The following FER variants were observed in gnomAD, a reference collection of about 807,000 sequenced individuals.
FER encodes the protein tyrosine-protein kinase Fer.
Under a neutral mutation model 111.0 loss-of-function variants are expected in FER, and 63 were observed. That is an observed-to-expected ratio of 0.57 (90% confidence interval 0.46 to 0.70). FER has a LOEUF of 0.70. Among genes scored for constraint, FER ranks in the 30% least tolerant of loss-of-function variants. The pLI, the probability that FER is intolerant of heterozygous loss-of-function variation, is 0.00. For missense variants in FER, 914 were observed against 954.0 expected, an observed-to-expected ratio of 0.96 and a Z score of 0.55; for synonymous variants, 327 against 313.9, an observed-to-expected ratio of 1.04 and a Z score of -0.44.
At chr5:109,079,640 G>T (rs1424396331) in intron 16 of FER, among the ~76,000 whole-genome samples, 1 of 152,064 alleles carries the variant, frequency 6.6e-6, no homozygotes, top group Non-Finnish European at 1.5e-5. Flanking sequence ...ACACATGTCA[G>T]TGTAGATGCC....
chr5:108,994,231 T>G (rs1763704586), intron 13 of FER, among the ~76,000 whole-genome samples: 1 of 152,346 alleles, frequency 6.6e-6, no homozygotes, highest in Middle Eastern at 3.4e-3. Flanking sequence ...GCTAGAGTTT[T>G]TATAGTTTTG....
At chr5:108,922,259 G>T (rs530563174) in intron 10 of FER, among the ~76,000 whole-genome samples, 1 of 152,102 alleles carries the variant, frequency 6.6e-6, no homozygotes, top group Non-Finnish European at 1.5e-5. Flanking sequence ...GAAGTCACCC[G>T]ATTTCTGGTA....
intron 16 of FER, among the ~76,000 whole-genome samples, chr5:109,073,240 C>T (rs1198294096): frequency 1.3e-5 from 2 of 152,062 alleles, no homozygotes; most frequent in Non-Finnish European, 2.9e-5. Context: ...AGTTACAAAA[C>T]AGTAGTTTAT....
chr5:109,039,244 T>C (rs1452912448), intron 14 of FER, among the ~76,000 whole-genome samples: 3 of 151,908 alleles, frequency 2.0e-5, no homozygotes, highest in African/African-American at 4.8e-5. Context: ...ACTATATTTT[T>C]AGTAGACTGT....
chr5:108,928,562 T>C (rs1754111035), intron 10 of FER, among the ~76,000 whole-genome samples: 1 of 152,160 alleles, frequency 6.6e-6, no homozygotes, highest in South Asian at 2.1e-4. Flanking sequence ...ATAAGGTAAT[T>C]GTATTTCACA....
intron 5 of FER, among the ~76,000 whole-genome samples, chr5:108,840,057 TATGC>T (rs1276292530): frequency 6.6e-6 from 1 of 152,178 alleles, no homozygotes; most frequent in Non-Finnish European, 1.5e-5. Context: ...GGACAGTGAA[TATGC>T]ATACTGGATT....
Position 108,798,400 on chromosome 5 carries a change from T to G in FER, c.207+11T>G, listed in dbSNP as rs781356787. 2 of 1,587,804 alleles carry G rather than the reference T, an allele frequency of 1.3e-6. No homozygotes were observed. Among genetic ancestry groups the G allele is most frequent in the Admixed American group, 1.7e-5 (1 of 59,518 alleles). Reference sequence around the variant, plus strand: ...AGCAACGTATCCAAGGTAAGAAGAATAATTTCACTCTTTGTTATTTATAAC... The same window carrying G: ...AGCAACGTATCCAAGGTAAGAAGAAGAATTTCACTCTTTGTTATTTATAAC... On this transcript the variant is annotated intron_variant, in intron 3 of 19. Coordinates refer to ENST00000281092, the MANE Select transcript of FER (RefSeq NM_005246.4).
rs114626901 is a variant in FER, at chr5:109,067,958, C to G, written c.1924+20760C>G. On this transcript the variant is annotated intron_variant, in intron 16 of 19. Coordinates refer to ENST00000281092, the MANE Select transcript of FER (RefSeq NM_005246.4). ...GGAGATGAGTTTACAAATAGTCAAG[C>G]AAGCCGCACATCTAGCCGTAATCAT... 5.8e-3 allele frequency among the ~76,000 whole-genome samples: 880 copies of G among 152,202 alleles called. 6 individuals are homozygous for G. The highest frequency in any genetic ancestry group is 0.02 in the African/African-American group (840 of 41,528).
At chr5:108,961,962 T>TTAA (rs1363952756) in intron 13 of FER, among the ~76,000 whole-genome samples, 1 of 152,220 alleles carries the variant, frequency 6.6e-6, no homozygotes, top group Non-Finnish European at 1.5e-5. Context: ...CCACTTTAGT[T>TTAA]CATTGTAATT....
At chr5:108,943,626 T>C (rs141394918) in intron 10 of FER, among the ~76,000 whole-genome samples, 2 of 152,226 alleles carry the variant, frequency 1.3e-5, no homozygotes, top group Non-Finnish European at 2.9e-5. Flanking sequence ...GAAAGAGCCT[T>C]TTTCACTGCA....
intron 13 of FER, among the ~76,000 whole-genome samples, chr5:109,008,939 T>C (rs1765856826): frequency 6.6e-6 from 1 of 151,846 alleles, no homozygotes; most frequent in South Asian, 2.1e-4. Flanking sequence ...CGTTGCACTC[T>C]AGCCTGGGCA....
chr5:108,804,876 C>T lies in FER; in HGVS notation c.207+6487C>T, dbSNP rs538150371. Among the ~76,000 whole-genome samples the T allele has an allele frequency of 7.3e-5, 11 of 151,214 alleles. 1 individual carries two copies. Among genetic ancestry groups the T allele is most frequent in the Non-Finnish European group, 1.2e-4 (8 of 67,920 alleles). ...TTTTAGAATGAATTAGGTAGAATTC[C>T]CTCCTACTTGATTTTTTGGAATAGT... On this transcript the variant is annotated intron_variant, in intron 3 of 19. Transcript: ENST00000281092.
chr5:109,180,411 A>G (rs553767376), intron 17 of FER, among the ~76,000 whole-genome samples: 2 of 152,334 alleles, frequency 1.3e-5, no homozygotes, highest in South Asian at 4.1e-4. Context: ...TTATTGGACA[A>G]TGCTGCTCTA....
intron 16 of FER, among the ~76,000 whole-genome samples, chr5:109,092,148 C>A (rs964624956): frequency 6.6e-6 from 1 of 151,666 alleles, no homozygotes; most frequent in African/African-American, 2.4e-5. Context: ...AATGTAAGAT[C>A]TGAAAGTATA....
intron 18 of FER, among the ~76,000 whole-genome samples, chr5:109,182,847 A>T (rs1418294353): frequency 2.0e-5 from 3 of 152,050 alleles, no homozygotes; most frequent in Non-Finnish European, 4.4e-5. Context: ...AAGTCTAAAG[A>T]TTTTTTTTAA....
intron 3 of FER, among the ~76,000 whole-genome samples, chr5:108,813,471 T>C (rs925466885): frequency 2.2e-4 from 34 of 152,186 alleles, no homozygotes; most frequent in Non-Finnish European, 2.9e-5. Flanking sequence ...ATAATTGTTT[T>C]TTAGTTCTCC....
intron 17 of FER, among the ~76,000 whole-genome samples, chr5:109,165,844 T>G (rs888766732): frequency 6.6e-6 from 1 of 152,210 alleles, no homozygotes; most frequent in African/African-American, 2.4e-5. Flanking sequence ...ATTCACTTAT[T>G]TGACATAAAG....
intron 13 of FER, among the ~76,000 whole-genome samples, chr5:108,987,477 A>G (rs1049428320): frequency 2.6e-5 from 4 of 152,116 alleles, no homozygotes; most frequent in Non-Finnish European, 5.9e-5. Context: ...ATCGAAAACC[A>G]AAATCTTGTA....
intron 1 of FER, among the ~76,000 whole-genome samples, chr5:108,761,180 G>A (rs371715485): frequency 2.1e-4 from 32 of 152,092 alleles, no homozygotes; most frequent in African/African-American, 6.5e-4. Flanking sequence ...CCCCCACCTC[G>A]GCCTCCCAAA....
Sources: allele counts gnomAD v4.1 joint callset (sites outside exome capture counted in the v4.1 genomes callset), GRCh38; gene constraint gnomAD v4.1.1; transcripts MANE v1.5; gene names NCBI Gene and HGNC (gene_info 2026-07-23, HGNC 2026-07-21).